Variants in BICD1 observed in about 807,000 individuals in gnomAD.
BICD1 encodes protein bicaudal D homolog 1.
A neutral mutation model predicts 92.5 loss-of-function variants in BICD1; 35 were observed. That is an observed-to-expected ratio of 0.38 (90% CI 0.29 to 0.50). BICD1 has a LOEUF of 0.50. Among genes scored for constraint, BICD1 ranks in the 20% least tolerant of loss-of-function variants. BICD1 has a pLI of 0.93. For missense variants in BICD1, 950 were observed against 1,189.8 expected (o/e 0.80, Z 2.97); for synonymous variants, 429 against 465.1 (o/e 0.92, Z 1.00).
At chr12:32,144,368 G>A (rs1158420712) in intron 1 of BICD1, among the ~76,000 whole-genome samples, 1 of 152,044 alleles carries the variant, frequency 6.6e-6, no homozygotes, top group Non-Finnish European at 1.5e-5. Flanking sequence ...AGGACAGTAG[G>A]GACAGTGGCT....
At chr12:32,234,004 G>A (rs1010366628) in intron 2 of BICD1, among the ~76,000 whole-genome samples, 2 of 152,114 alleles carry the variant, frequency 1.3e-5, no homozygotes, top group African/African-American at 4.8e-5. Context: ...TAATGAATGA[G>A]CTTAGTGATA....
At chr12:32,300,631 A>ATT (rs34219566) in intron 3 of BICD1, among the ~76,000 whole-genome samples, 6,012 of 80,244 alleles carry the variant, frequency 0.075, 1,434 homozygotes, top group Non-Finnish European at 0.11. Context: ...ACTTTACAGT[A>ATT]TTTTTTTTTT....
rs1219688425 is a variant in BICD1, at chr12:32,327,946, T to G, written c.1491T>G (p.Asn497Lys). The change falls in exon 5 of 10, where the codon AAT becomes AAG. Residue 497 changes from asparagine to lysine, a missense_variant. By Grantham distance (94) the Asn-to-Lys change is moderately conservative. Coordinates refer to ENST00000652176, the MANE Select transcript of BICD1 (RefSeq NM_001714.4). ...LQKMTSIANE[N>K]HSTLNTAQDE... is the part of the protein sequence containing the mutation. ...AGATGACCAGCATAGCCAACGAAAA[T>G]CACAGTACCCTTAATACGGCCCAGG... 6.2e-7 allele frequency: 1 copy of G among 1,613,772 alleles called. No homozygotes were observed. The highest frequency in any genetic ancestry group is 1.1e-5 in the South Asian group (1 of 91,058).
At chr12:32,316,360 G>C (rs1452249276) in intron 4 of BICD1, among the ~76,000 whole-genome samples, 2 of 151,252 alleles carry the variant, frequency 1.3e-5, no homozygotes, top group Non-Finnish European at 2.9e-5. Context: ...GCATGATCTT[G>C]GCTCCCTGCA....
chr12:32,250,434 A>G (rs1345500395), intron 2 of BICD1, among the ~76,000 whole-genome samples: 3 of 152,216 alleles, frequency 2.0e-5, no homozygotes, highest in Non-Finnish European at 4.4e-5. Context: ...GCACTGTGCT[A>G]TAATAGGATG....
intron 1 of BICD1, among the ~76,000 whole-genome samples, chr12:32,163,096 T>C (rs1943646606): frequency 6.6e-6 from 1 of 152,220 alleles, no homozygotes; most frequent in African/African-American, 2.4e-5. Context: ...TTACACATGT[T>C]AAATGATAAC....
At chr12:32,233,322 T>TAAAAAAAAA (rs1555152907) in intron 2 of BICD1, among the ~76,000 whole-genome samples, 5 of 127,080 alleles carry the variant, frequency 3.9e-5, no homozygotes, top group African/African-American at 1.5e-4. Context: ...AGTCTGTCTT[T>TAAAAAAAAA]AAAAAAAAAA....
At chr12:32,277,063 C>A (rs539813813) in intron 2 of BICD1, among the ~76,000 whole-genome samples, 7 of 152,138 alleles carry the variant, frequency 4.6e-5, no homozygotes, top group Non-Finnish European at 1.0e-4. Flanking sequence ...GAACCCAGGT[C>A]CATGTCCAGA....
chr12:32,357,012 C>CT (rs35643247), intron 8 of BICD1, among the ~76,000 whole-genome samples: 9,390 of 129,532 alleles, frequency 0.072, 858 homozygotes, highest in East Asian at 0.29. Flanking sequence ...GATTCTCCTG[C>CT]TTTTTTTTTT....
Position 32,329,102 on chromosome 12 carries a change from A to T in BICD1, c.2100+547A>T, listed in dbSNP as rs71457636. On this transcript the variant is annotated intron_variant, in intron 5 of 9. Transcript: ENST00000652176. Reference sequence around the variant, plus strand: ...GGAGTATAGCAAAATTATTATTATTATTATTTTTTATTTTTGTTTTGAGAC... The same window carrying T: ...GGAGTATAGCAAAATTATTATTATTTTTATTTTTTATTTTTGTTTTGAGAC... Among the ~76,000 whole-genome samples, 1,500 of 151,564 alleles carry T rather than the reference A, an allele frequency of 9.9e-3. 5 individuals carry two copies. Among genetic ancestry groups the T allele is most frequent in the Middle Eastern group, 0.034 (10 of 294 alleles).
At chr12:32,231,843 T>A (rs1945901694) in intron 2 of BICD1, among the ~76,000 whole-genome samples, 1 of 151,276 alleles carries the variant, frequency 6.6e-6, no homozygotes, top group Non-Finnish European at 1.5e-5. Flanking sequence ...CAGTGTTTGT[T>A]TTTTTGTTCT....
intron 3 of BICD1, among the ~76,000 whole-genome samples, chr12:32,297,643 G>A (rs1157607079): frequency 1.3e-5 from 2 of 152,112 alleles, no homozygotes; most frequent in Non-Finnish European, 2.9e-5. Flanking sequence ...CCTTCAGCCT[G>A]GTTTGATGTT....
intron 8 of BICD1, among the ~76,000 whole-genome samples, chr12:32,346,536 GTATA>G (rs59893108): frequency 0.017 from 418 of 23,910 alleles, 28 homozygotes; most frequent in East Asian, 0.037. Context: ...ATATATACGT[GTATA>G]TATATATATA....
At chr12:32,360,635 T>C (rs1421842767) in intron 8 of BICD1, among the ~76,000 whole-genome samples, 2 of 152,220 alleles carry the variant, frequency 1.3e-5, no homozygotes, top group Non-Finnish European at 2.9e-5. Flanking sequence ...CCAGGCATTT[T>C]TTTTTAATAT....
intron 1 of BICD1, among the ~76,000 whole-genome samples, chr12:32,146,436 TA>T (rs147125226): frequency 0.066 from 10,101 of 152,276 alleles, 406 homozygotes; most frequent in Middle Eastern, 0.13. Context: ...GAGGTGCTGG[TA>T]GGCAGGTGGA....
chr12:32,136,050 A>T (rs1942725978), intron 1 of BICD1, among the ~76,000 whole-genome samples: 1 of 152,190 alleles, frequency 6.6e-6, no homozygotes, highest in Admixed American at 6.5e-5. Context: ...CTGGCATATA[A>T]CTTTGTCCAA....
rs202245331 is a variant in BICD1, at chr12:32,337,662, C to T, written c.2416C>T (p.Arg806Cys). 4.6e-5 allele frequency: 75 copies of T among 1,614,118 alleles called. No individual in the cohort carries two copies. Among genetic ancestry groups the T allele is most frequent in the Middle Eastern group, 1.6e-4 (1 of 6,062 alleles). ...DLEFDHEQSR[R>C]SKGKLGKSKI... ...AGAGTTTGACCATGAGCAGTCCCGA[C>T]GCAGCAAAGGCAAACTTGGAAAGAG... The change falls in exon 7 of 10, where the codon CGC becomes TGC. Residue 806 changes from arginine (R) to cysteine (C), a missense_variant. Coordinates refer to ENST00000652176, the MANE Select transcript of BICD1 (RefSeq NM_001714.4). The surrounding 1 kb of genome is among the most constrained non-coding windows in gnomAD (Gnocchi z 4.7).
At chr12:32,219,965 C>A (rs988829625) in intron 2 of BICD1, among the ~76,000 whole-genome samples, 8 of 152,072 alleles carry the variant, frequency 5.3e-5, no homozygotes, top group African/African-American at 1.9e-4. Context: ...TGATCTTTGA[C>A]AAACCTGAGA....
At chr12:32,203,708 A>G (rs911010057) in intron 1 of BICD1, among the ~76,000 whole-genome samples, 1 of 152,172 alleles carries the variant, frequency 6.6e-6, no homozygotes, top group Admixed American at 6.5e-5. Context: ...CCAGCCTGCT[A>G]CCACTGGACC....
Sources: allele counts gnomAD v4.1 joint callset (sites outside exome capture counted in the v4.1 genomes callset), GRCh38; gene constraint gnomAD v4.1.1; non-coding constraint Gnocchi (gnomAD v3.1); transcripts MANE v1.5; gene names NCBI Gene and HGNC (gene_info 2026-07-23, HGNC 2026-07-21).